AMBRA1: variants seen among roughly 807,000 people sequenced by gnomAD.
The protein encoded by AMBRA1 is autophagy and beclin 1 regulator 1.
Under a neutral mutation model 125.4 loss-of-function variants are expected in AMBRA1, and 47 were observed. The observed-to-expected ratio is 0.37, with a 90% CI of 0.30 to 0.48. The LOEUF (loss-of-function observed/expected upper bound fraction) is 0.48, where lower values mean the gene tolerates loss of function less well. Ranked by LOEUF, AMBRA1 falls within the 20% of genes least tolerant of loss-of-function variation. The pLI is 0.99. For missense variants in AMBRA1, 1,331 were observed against 1,693.4 expected (o/e 0.79, Z 3.76); for synonymous variants, 626 against 655.5 (o/e 0.95, Z 0.69).
chr11:46,472,408 TTCTTCCTTTGG>T (rs1425910397), intron 11 of AMBRA1, among the ~76,000 whole-genome samples: 2 of 152,210 alleles, frequency 1.3e-5, no homozygotes, highest in Non-Finnish European at 2.9e-5. Context: ...ATATTTAATT[TTCTTCCTTTGG>T]ACTACAGATA....
intron 11 of AMBRA1, among the ~76,000 whole-genome samples, chr11:46,457,890 G>A (rs1948922463): frequency 6.7e-6 from 1 of 149,796 alleles, no homozygotes. Flanking sequence ...TGCGTGACAG[G>A]GCAAGACTCC....
intron 1 of AMBRA1, among the ~76,000 whole-genome samples, chr11:46,557,725 C>G (rs1456394640): frequency 6.6e-6 from 1 of 151,998 alleles, no homozygotes; most frequent in African/African-American, 2.4e-5. Flanking sequence ...GGAGGATAGC[C>G]TGAGCCCAGG....
intron 11 of AMBRA1, among the ~76,000 whole-genome samples, chr11:46,465,706 G>A (rs1949294861): frequency 6.6e-6 from 1 of 152,146 alleles, no homozygotes; most frequent in African/African-American, 2.4e-5. Context: ...GGGATCATCA[G>A]TGTAAGGAGG....
At chr11:46,405,218 A>G (rs1477191811) in intron 17 of AMBRA1, among the ~76,000 whole-genome samples, 1 of 152,172 alleles carries the variant, frequency 6.6e-6, no homozygotes, top group Non-Finnish European at 1.5e-5. Flanking sequence ...CTCCTCCAGG[A>G]GTCTCCCCTA....
chr11:46,468,874 T>C (rs1446800205), intron 11 of AMBRA1, among the ~76,000 whole-genome samples: 5 of 151,282 alleles, frequency 3.3e-5, no homozygotes, highest in African/African-American at 7.3e-5. Flanking sequence ...CCAGACACAG[T>C]GGCTCAAGCC....
chr11:46,532,476 G>A (rs1320277954), intron 7 of AMBRA1, among the ~76,000 whole-genome samples: 5 of 152,128 alleles, frequency 3.3e-5, no homozygotes, highest in Non-Finnish European at 7.4e-5. Flanking sequence ...TCTCTCTTTT[G>A]CCGAGGCTGG....
chr11:46,515,416 T>C (rs1402066371), intron 7 of AMBRA1, among the ~76,000 whole-genome samples: 1 of 152,112 alleles, frequency 6.6e-6, no homozygotes, highest in Non-Finnish European at 1.5e-5. Flanking sequence ...GAGGTTGCAG[T>C]GAGCTGAGAT....
intron 1 of AMBRA1, among the ~76,000 whole-genome samples, chr11:46,566,628 G>C (rs993580465): frequency 1.3e-5 from 2 of 152,074 alleles, no homozygotes; most frequent in Admixed American, 1.3e-4. Context: ...ACCCCTGAAG[G>C]CATTCTCCCT....
intron 1 of AMBRA1, among the ~76,000 whole-genome samples, chr11:46,560,987 T>A (rs2043316326): frequency 2.0e-5 from 3 of 152,180 alleles, no homozygotes; most frequent in Non-Finnish European, 4.4e-5. Flanking sequence ...AAGGATCACA[T>A]CTTTCTATTC....
chr11:46,488,251 C>T (rs943740179), intron 11 of AMBRA1, among the ~76,000 whole-genome samples: 2 of 151,950 alleles, frequency 1.3e-5, no homozygotes, highest in African/African-American at 4.8e-5. Context: ...ACATCAGGAG[C>T]TTAAGACCAG....
intron 14 of AMBRA1, among the ~76,000 whole-genome samples, chr11:46,429,347 G>A (rs1231670572): frequency 2.0e-5 from 3 of 152,196 alleles, no homozygotes; most frequent in East Asian, 1.9e-4. Context: ...AGGATAGCCC[G>A]GATGGGAGCC....
At chr11:46,553,790 T>C (rs1011408169) in intron 1 of AMBRA1, among the ~76,000 whole-genome samples, 1 of 151,942 alleles carries the variant, frequency 6.6e-6, no homozygotes, top group African/African-American at 2.4e-5. Flanking sequence ...ACCAAGTTCC[T>C]AGTCCTACAC....
At chr11:46,468,145 C>G (rs1035912763) in intron 11 of AMBRA1, among the ~76,000 whole-genome samples, 1 of 152,096 alleles carries the variant, frequency 6.6e-6, no homozygotes, top group Non-Finnish European at 1.5e-5. Flanking sequence ...CAACAGCTGC[C>G]TTCTTTGAGT....
chr11:46,397,982 C>T (rs768666021), intron 17 of AMBRA1, 39 bp from the exon 18 acceptor site: 2 of 1,544,438 alleles, frequency 1.3e-6, no homozygotes, highest in South Asian at 2.4e-5. Context: ...GAATTGGCTG[C>T]TGGCCTGGGC....
chr11:46,493,085 A>G (rs932829799), intron 11 of AMBRA1, among the ~76,000 whole-genome samples: 1 of 152,176 alleles, frequency 6.6e-6, no homozygotes, highest in African/African-American at 2.4e-5. Flanking sequence ...AAACTGCTTC[A>G]GTGGGGCTTG....
At chr11:46,462,400 C>T (rs992495387) in intron 11 of AMBRA1, among the ~76,000 whole-genome samples, 2 of 152,208 alleles carry the variant, frequency 1.3e-5, no homozygotes, top group African/African-American at 4.8e-5. Context: ...TTCCTCTTTA[C>T]TCTCCTCACG....
intron 17 of AMBRA1, among the ~76,000 whole-genome samples, chr11:46,401,478 A>G (rs138587262): frequency 1.0e-3 from 154 of 152,214 alleles, no homozygotes; most frequent in Non-Finnish European, 1.6e-3. Flanking sequence ...TGACCTTGTG[A>G]TCCACCCACT....
chr11:46,443,424 T>C (rs1360993433), intron 12 of AMBRA1, 64 bp downstream of exon 12: 11 of 1,350,874 alleles, frequency 8.1e-6, no homozygotes, highest in Non-Finnish European at 1.2e-5. Context: ...CCATGAATTT[T>C]TGAGTTCTGG....
intron 14 of AMBRA1, among the ~76,000 whole-genome samples, chr11:46,430,844 A>G (rs1387500075): frequency 6.6e-6 from 1 of 152,214 alleles, no homozygotes; most frequent in Non-Finnish European, 1.5e-5. Context: ...GCATTCCTTT[A>G]TGGTCAGAGC....
Sources: allele counts gnomAD v4.1 joint callset (sites outside exome capture counted in the v4.1 genomes callset), GRCh38; gene constraint gnomAD v4.1.1; transcripts MANE v1.5; gene names NCBI Gene and HGNC (gene_info 2026-07-23, HGNC 2026-07-21).